The following TOX2 variants were observed in gnomAD, a reference collection of about 807,000 sequenced individuals.
TOX2 encodes TOX high mobility group box family member 2.
In TOX2, 15 loss-of-function variants were observed where a neutral mutation model predicts 47.4. That is an observed-to-expected ratio of 0.32 (90% CI 0.21 to 0.49). The LOEUF (loss-of-function observed/expected upper bound fraction) is 0.49. Ranked by LOEUF, TOX2 falls within the 20% of genes least tolerant of loss-of-function variation. The pLI, the probability that TOX2 is intolerant of heterozygous loss-of-function variation, is 0.99. For synonymous variants in TOX2, 290 were observed against 296.6 expected, an observed-to-expected ratio of 0.98 and a Z score of 0.23; for missense variants, 622 against 673.1, an observed-to-expected ratio of 0.92 and a Z score of 0.84.
chr20:44,061,557 C>T (rs1024120724), intron 5 of TOX2, among the ~76,000 whole-genome samples: 1 of 148,380 alleles, frequency 6.7e-6, no homozygotes, highest in African/African-American at 2.5e-5. Flanking sequence ...AGAACTGGAA[C>T]AAGACAAGGA....
chr20:43,928,144 G>A (rs1339509529), intron 1 of TOX2, among the ~76,000 whole-genome samples: 1 of 152,184 alleles, frequency 6.6e-6, no homozygotes, highest in Non-Finnish European at 1.5e-5. Flanking sequence ...AGGCATAGAA[G>A]GTGCTGAGAG....
intron 5 of TOX2, among the ~76,000 whole-genome samples, chr20:44,062,483 C>A (rs1160749799): frequency 6.6e-6 from 1 of 151,968 alleles, no homozygotes; most frequent in Non-Finnish European, 1.5e-5. Flanking sequence ...CAAAACACTG[C>A]TGAAAGAAAT....
intron 3 of TOX2, among the ~76,000 whole-genome samples, chr20:44,009,529 A>G (rs1193322277): frequency 1.3e-5 from 2 of 152,162 alleles, no homozygotes; most frequent in Non-Finnish European, 2.9e-5. Context: ...TCACACTGCC[A>G]TGTCTGGAAT....
intron 1 of TOX2, among the ~76,000 whole-genome samples, chr20:43,950,279 G>T (rs905323017): frequency 5.9e-5 from 9 of 152,168 alleles, no homozygotes; most frequent in Non-Finnish European, 1.3e-4. Context: ...CAGGCCAAGC[G>T]GATGTCAGCG....
intron 1 of TOX2, among the ~76,000 whole-genome samples, chr20:43,960,773 G>A (rs530068714): frequency 2.6e-5 from 4 of 152,302 alleles, no homozygotes; most frequent in African/African-American, 9.6e-5. Context: ...CTCCTACCCT[G>A]TGTGTGCACC....
chr20:43,986,416 G>C (rs2070266514), intron 2 of TOX2, among the ~76,000 whole-genome samples: 1 of 151,972 alleles, frequency 6.6e-6, no homozygotes, highest in South Asian at 2.1e-4. Flanking sequence ...CGAGTAGCTG[G>C]GATTACAGGC....
In TOX2 at chr20:44,017,331, C is replaced by G. The variant is rs149208978; in HGVS notation, c.411+10539C>G. Among the ~76,000 whole-genome samples, 1,215 of 152,282 alleles carry G rather than the reference C, an allele frequency of 8.0e-3. 5 individuals are homozygous for G. The highest frequency in any genetic ancestry group is 0.034 in the Middle Eastern group (10 of 294). ...CTAAGCTGTGGACGATTGAAAGATG[C>G]TCTGGGGTGCTCACCGTCTAGGAGT... On this transcript the variant is annotated intron_variant, in intron 3 of 8. Transcript: ENST00000341197.
intron 2 of TOX2, among the ~76,000 whole-genome samples, chr20:43,986,289 G>GTATGTATGTATGTATGTA (rs1569064931): frequency 1.4e-5 from 1 of 72,544 alleles, no homozygotes; most frequent in African/African-American, 9.6e-5. Flanking sequence ...GTATGTATGT[G>GTATGTATGTATGTATGTA]TGTATTTTTT....
chr20:44,002,920 C>G (rs146768678), intron 2 of TOX2, among the ~76,000 whole-genome samples: 9 of 152,328 alleles, frequency 5.9e-5, no homozygotes, highest in African/African-American at 1.9e-4. Flanking sequence ...AGCCCCACCT[C>G]CAACAGTGGG....
chr20:43,922,344 G>A (rs2069121041), intron 1 of TOX2, among the ~76,000 whole-genome samples: 1 of 152,132 alleles, frequency 6.6e-6, no homozygotes, highest in Admixed American at 6.6e-5. Flanking sequence ...CCCCAGTCGT[G>A]ACAACAAAAA....
At chr20:44,013,796 A>G (rs572679211) in intron 3 of TOX2, among the ~76,000 whole-genome samples, 2 of 152,176 alleles carry the variant, frequency 1.3e-5, no homozygotes, top group African/African-American at 4.8e-5. Flanking sequence ...GCTGACACCA[A>G]AGGGGAATGA....
intron 2 of TOX2, among the ~76,000 whole-genome samples, chr20:43,984,614 G>A (rs975506377): frequency 1.3e-5 from 2 of 152,196 alleles, no homozygotes; most frequent in Non-Finnish European, 2.9e-5. Context: ...ATTTGAGGGC[G>A]CAGGCATGGA....
Position 44,065,918 on chromosome 20 carries a change from C to CCCA in TOX2, c.1169_1170insACC (p.Pro394dup). The CCCA allele has an allele frequency of 1.2e-6, 2 of 1,610,944 alleles. No homozygotes were observed. The highest frequency in any genetic ancestry group is 1.7e-6 in the Non-Finnish European group (2 of 1,178,226). On this transcript the variant is annotated inframe_insertion, in exon 7 of 9. Coordinates refer to ENST00000341197, the MANE Select transcript of TOX2 (RefSeq NM_001098797.2). ...CTCTGCTGCCAGGCCTCAGTGCGTC[C>CCCA]CCGCCGCCGCCACCCTCCTTCCCGC...
chr20:43,939,654 A>G (rs2069375327), intron 1 of TOX2, among the ~76,000 whole-genome samples: 1 of 152,232 alleles, frequency 6.6e-6, no homozygotes, highest in Admixed American at 6.5e-5. Flanking sequence ...CCATTCGTAT[A>G]GTCAGACATG....
intron 2 of TOX2, among the ~76,000 whole-genome samples, chr20:43,995,520 T>A (rs944413652): frequency 2.0e-5 from 3 of 152,350 alleles, no homozygotes; most frequent in South Asian, 2.1e-4. Context: ...TGGCTTTTTT[T>A]AAACTTTTAT....
At chr20:44,031,101 T>C (rs1460258453) in intron 3 of TOX2, among the ~76,000 whole-genome samples, 3 of 152,104 alleles carry the variant, frequency 2.0e-5, no homozygotes, top group Non-Finnish European at 4.4e-5. Flanking sequence ...AGCAAGCAGT[T>C]GGCGCCTTTA....
intron 1 of TOX2, among the ~76,000 whole-genome samples, chr20:43,941,584 C>T (rs138949844): frequency 0.019 from 2,824 of 152,288 alleles, 40 homozygotes; most frequent in South Asian, 0.054. Context: ...CCACCCACTT[C>T]GGCCTCCCAA....
chr20:44,048,410 A>G lies in TOX2; in HGVS notation c.412-2896A>G, dbSNP rs1263941384. Reference sequence around the variant, plus strand: ...AATTTATATATATATATATATATATATATGTATAATTTACCAAAACTGACT... The same window carrying G: ...AATTTATATATATATATATATATATGTATGTATAATTTACCAAAACTGACT... On this transcript the variant is annotated intron_variant, in intron 3 of 8. Transcript: ENST00000341197. 3.0e-5 allele frequency among the ~76,000 whole-genome samples: 4 copies of G among 135,150 alleles called. No homozygotes were observed. In the East Asian group the frequency reaches 6.2e-4, roughly 21 times the overall value. The allele number at this position is 135,150 out of a possible 152,430, so 88.7% of individuals were successfully genotyped here. A position where few individuals can be genotyped will look rare whatever the true frequency, so the allele number is the denominator to read the frequency against.
At position 44,051,347 on chromosome 20, in the gene TOX2, G is replaced by A. The variant is rs374353889; in HGVS notation, c.453G>A (p.Ser151=). 89 of 1,612,678 alleles carry A rather than the reference G, an allele frequency of 5.5e-5. No homozygotes were observed. Among genetic ancestry groups the A allele is most frequent in the Non-Finnish European group, 7.2e-5 (85 of 1,179,194 alleles). ...MVHSEVAAYD[S]GRPGPLLGRP... ...ACTCGGAAGTGGCTGCCTATGACTC[G>A]GGCCGGCCCGGGCCCCTGCTGGGTC... The change falls in exon 4 of 9, where the codon TCG becomes TCA. Residue 151 remains serine (S), a synonymous_variant. Transcript: ENST00000341197.
Sources: allele counts gnomAD v4.1 joint callset (sites outside exome capture counted in the v4.1 genomes callset), GRCh38; gene constraint gnomAD v4.1.1; transcripts MANE v1.5; gene names NCBI Gene and HGNC (gene_info 2026-07-23, HGNC 2026-07-21).